KLF12: variants seen among roughly 807,000 people sequenced by gnomAD.
KLF12 encodes Krueppel-like factor 12.
In KLF12, 9 loss-of-function variants were observed where a neutral mutation model predicts 37.8. The ratio of observed to expected loss-of-function variants is 0.24; its 90% CI spans 0.14 to 0.42. The LOEUF is 0.42. KLF12 is among the 10% of genes least tolerant of loss of function. KLF12 has a pLI of 1.00. For missense variants in KLF12, 411 were observed against 516.0 expected (o/e 0.80, Z 1.97); for synonymous variants, 208 against 202.1 (o/e 1.03, Z -0.25).
At chr13:74,294,453 C>G in the KLF12 span, among the ~76,000 whole-genome samples, 3 of 152,104 alleles carry the variant, frequency 2.0e-5, no homozygotes, top group Admixed American at 1.3e-4. Context: ...ACTGCAACCT[C>G]TGCCCCCTGG....
intron 6 of KLF12, among the ~76,000 whole-genome samples, chr13:73,732,855 A>T (rs1237197935): frequency 6.6e-6 from 1 of 152,084 alleles, no homozygotes; most frequent in Non-Finnish European, 1.5e-5. Flanking sequence ...AAGCTGAACT[A>T]GTGATGCTTT....
At chr13:73,749,429 A>G (rs981826770) in intron 6 of KLF12, among the ~76,000 whole-genome samples, 1 of 152,188 alleles carries the variant, frequency 6.6e-6, no homozygotes, top group Non-Finnish European at 1.5e-5. Context: ...CTTCAAATTC[A>G]TTAACATACA....
At chr13:73,822,748 T>C (rs1883598021) in intron 4 of KLF12, among the ~76,000 whole-genome samples, 1 of 152,174 alleles carries the variant, frequency 6.6e-6, no homozygotes, top group African/African-American at 2.4e-5. Context: ...CATAAAAGGC[T>C]TTTGTGATTT....
intron 6 of KLF12, among the ~76,000 whole-genome samples, chr13:73,759,255 C>A (rs1246233758): frequency 6.6e-6 from 1 of 152,090 alleles, no homozygotes; most frequent in Non-Finnish European, 1.5e-5. Flanking sequence ...CTTAAAAAGA[C>A]CATGAAGGCT....
At chr13:73,959,777 A>G (rs9592955) in intron 2 of KLF12, among the ~76,000 whole-genome samples, 52,332 of 151,968 alleles carry the variant, frequency 0.34, 10,802 homozygotes, top group East Asian at 0.6. Flanking sequence ...TAAATGCTGT[A>G]TAAAAACAAA....
the KLF12 span, among the ~76,000 whole-genome samples, chr13:74,148,266 C>T: frequency 1.3e-5 from 2 of 151,968 alleles, no homozygotes; most frequent in Non-Finnish European, 2.9e-5. Flanking sequence ...GAATTCCTCC[C>T]TTCAGCATAC....
chr13:74,280,981 G>T, the KLF12 span, among the ~76,000 whole-genome samples: 1 of 152,018 alleles, frequency 6.6e-6, no homozygotes, highest in Non-Finnish European at 1.5e-5. Context: ...CTACTTTACA[G>T]TGGGGTGAAA....
At chr13:74,288,606 G>A in the KLF12 span, among the ~76,000 whole-genome samples, 2 of 152,172 alleles carry the variant, frequency 1.3e-5, no homozygotes, top group Non-Finnish European at 1.5e-5. Flanking sequence ...GATTTCAAAG[G>A]AAGGGCTAGG....
intron 4 of KLF12, among the ~76,000 whole-genome samples, chr13:73,839,812 C>G (rs1594154999): frequency 6.6e-6 from 1 of 152,104 alleles, no homozygotes; most frequent in Non-Finnish European, 1.5e-5. Flanking sequence ...GAAAAAGATA[C>G]ATAATGGAAA....
the KLF12 span, among the ~76,000 whole-genome samples, chr13:74,208,189 A>G: frequency 2.0e-5 from 3 of 152,330 alleles, no homozygotes; most frequent in African/African-American, 4.8e-5. Flanking sequence ...AATAATGTGA[A>G]CCTGCAAAGT....
chr13:74,232,431 A>T, the KLF12 span, among the ~76,000 whole-genome samples: 3 of 152,130 alleles, frequency 2.0e-5, no homozygotes, highest in African/African-American at 7.2e-5. Context: ...TTGATAATTT[A>T]TTCATTCATA....
chr13:73,887,130 A>T (rs146119948), intron 3 of KLF12, among the ~76,000 whole-genome samples: 2 of 152,322 alleles, frequency 1.3e-5, no homozygotes, highest in African/African-American at 4.8e-5. Flanking sequence ...AATCTTCAAA[A>T]ATAGAAATTG....
At chr13:74,296,084 G>T in the KLF12 span, among the ~76,000 whole-genome samples, 23 of 151,690 alleles carry the variant, frequency 1.5e-4, no homozygotes, top group African/African-American at 4.8e-4. Flanking sequence ...CTCCCAAAGT[G>T]CTGGGATTAC....
chr13:73,763,100 T>C (rs888815956), intron 6 of KLF12, among the ~76,000 whole-genome samples: 2 of 152,212 alleles, frequency 1.3e-5, no homozygotes, highest in African/African-American at 4.8e-5. Flanking sequence ...AAAAGCTTTC[T>C]TCTTTGGGAT....
chr13:74,099,723 T>C (rs1309767522), intron 1 of KLF12, among the ~76,000 whole-genome samples: 1 of 152,150 alleles, frequency 6.6e-6, no homozygotes, highest in Non-Finnish European at 1.5e-5. Context: ...CACACATAAT[T>C]CAGCTATTTC....
rs1892432258 is a variant in KLF12, at chr13:74,007,260, CAGAAAAAGACAA to C, written c.-31-12219_-31-12208del. Among the ~76,000 whole-genome samples, 18 of 57,572 alleles carry C rather than the reference CAGAAAAAGACAA, an allele frequency of 3.1e-4. 1 individual carries two copies. The South Asian group carries it at 0.011, about 34-fold the overall frequency. The allele number at this position is 57,572 out of a possible 152,430, so 37.8% of individuals were successfully genotyped here. A position where few individuals can be genotyped will look rare whatever the true frequency, so the allele number is the denominator to read the frequency against. On this transcript the variant is annotated intron_variant, in intron 1 of 7. Transcript: ENST00000377669. ...ACTGAAATCAGAAAAAGACAGAAAT[CAGAAAAAGACAA>C]GGATATTTTTATTTTTTTTTTTTGA...
At chr13:73,827,211 G>A (rs910694808) in intron 4 of KLF12, among the ~76,000 whole-genome samples, 1 of 152,222 alleles carries the variant, frequency 6.6e-6, no homozygotes, top group Non-Finnish European at 1.5e-5. Context: ...TCCTTTTCGT[G>A]ATGAAAAATT....
chr13:74,201,410 C>T, the KLF12 span, among the ~76,000 whole-genome samples: 1 of 152,166 alleles, frequency 6.6e-6, no homozygotes, highest in Non-Finnish European at 1.5e-5. Flanking sequence ...CTTCCTTTCT[C>T]ATCCTGATCT....
At chr13:73,914,177 T>C (rs1405879148) in intron 3 of KLF12, among the ~76,000 whole-genome samples, 1 of 152,194 alleles carries the variant, frequency 6.6e-6, no homozygotes, top group African/African-American at 2.4e-5. Flanking sequence ...TTATTTCTGA[T>C]ATCTGCTCCT....
Sources: gnomAD v4.1 joint callset for allele counts (sites outside exome capture counted in the v4.1 genomes callset) on GRCh38, gnomAD v4.1.1 for gene constraint, MANE v1.5 for transcripts, NCBI Gene and HGNC (gene_info 2026-07-23, HGNC 2026-07-21) for gene names.